Variants in HEXA observed in about 807,000 individuals in gnomAD.
The protein encoded by HEXA is hexosaminidase subunit alpha.
A neutral mutation model predicts 73.3 loss-of-function variants in HEXA; 54 were observed. That is an observed-to-expected ratio of 0.74 (90% CI 0.59 to 0.92). The LOEUF is 0.92. Ranked by LOEUF, HEXA falls within the 40% of genes least tolerant of loss-of-function variation. HEXA has a pLI of 0.00. For synonymous variants in HEXA, 230 were observed against 246.9 expected (o/e 0.93, Z 0.64); for missense variants, 649 against 653.0 (o/e 0.99, Z 0.07).
chr15:72,350,320 A>G (rs908844325), intron 7 of HEXA, 198 bp downstream of exon 7: 15 of 662,174 alleles, frequency 2.3e-5, no homozygotes, highest in African/African-American at 3.6e-5. Context: ...GTCTAACAGT[A>G]CATATTTTAA....
chr15:72,351,243 TA>T lies in HEXA; in HGVS notation c.571-10del. 1 of 1,559,956 alleles carries T rather than the reference TA, an allele frequency of 6.4e-7. No individual in the cohort carries two copies. Among genetic ancestry groups the T allele is most frequent in the Non-Finnish European group, 8.8e-7 (1 of 1,130,592 alleles). ...TTGTACGCCATGACATCCTGTAGGT[TA>T]AAGTGCACACTGTGAACCCATCACA... On this transcript the variant is annotated splice_polypyrimidine_tract_variant and intron_variant, in intron 5 of 13. Coordinates refer to ENST00000268097, the MANE Select transcript of HEXA (RefSeq NM_000520.6).
Position 72,349,166 on chromosome 15 carries a change from A to T in HEXA, c.899T>A (p.Phe300Tyr). ...VNPSLNNTYE[F>Y]MSTFFLEVSS... The stretch of plus-strand genomic sequence containing the variant: ...GACTTCTAAGAAGAATGTGCTCATG[A>T]ACTCATAGGTATTATTGAGACTGGG... Residue 300 changes from phenylalanine (F) to tyrosine (Y), a missense_variant, in exon 8 of 14, where the codon TTC becomes TAC. Coordinates refer to ENST00000268097, the MANE Select transcript of HEXA (RefSeq NM_000520.6). 6.2e-7 allele frequency: 1 copy of T among 1,613,770 alleles called. No individual in the cohort carries two copies. Among genetic ancestry groups the T allele is most frequent in the East Asian group, 2.2e-5 (1 of 44,884 alleles).
chr15:72,344,112 C>A lies in HEXA; in HGVS notation c.1555G>T (p.Val519Leu). The change falls in exon 14 of 14, where the codon GTA becomes TTA. Residue 519 changes from valine (V) to leucine (L), a missense_variant. By Grantham distance (32) the Val-to-Leu change is conservative. Coordinates refer to ENST00000268097, the MANE Select transcript of HEXA (RefSeq NM_000520.6). ...RRGVQAQPLN[V>L]GFCEQEFEQT ...TCAAACTCCTGCTCACAGAAGCCTA[C>A]ATTGAGGGGTTGGGCCTGGACACCT... 1 of 1,613,932 alleles carries A rather than the reference C, an allele frequency of 6.2e-7. No individual in the cohort carries two copies. The highest frequency in any genetic ancestry group is 8.5e-7 in the Non-Finnish European group (1 of 1,179,880).
chr15:72,346,200 G>C (rs1297926869), intron 12 of HEXA, 35 bp downstream of exon 12: 2 of 1,517,072 alleles, frequency 1.3e-6, no homozygotes, highest in African/African-American at 2.7e-5. Context: ...CTGCTCTCAG[G>C]CCCAACCCTC....
chr15:72,346,597 C>T lies in HEXA; in HGVS notation c.1260G>A (p.Trp420Ter). Reference sequence around the variant, plus strand: ...GGCCATAGGATATACGGTTCAGGTACCAGGGGGCAGAGAGAAGGGCCCGGA... The same window carrying T: ...GGCCATAGGATATACGGTTCAGGTATCAGGGGGCAGAGAGAAGGGCCCGGA... ...AGFRALLSAP[W>*]YLNRISYGPD... The change falls in exon 11 of 14, where the codon TGG becomes TGA. Residue 420 changes from tryptophan to a stop codon, truncating the protein, a stop_gained. Coordinates refer to ENST00000268097, the MANE Select transcript of HEXA (RefSeq NM_000520.6). LOFTEE classifies it high-confidence loss of function. The T allele has an allele frequency of 6.2e-7, 1 of 1,614,056 alleles. No homozygotes were observed. Among genetic ancestry groups the T allele is most frequent in the South Asian group, 1.1e-5 (1 of 91,072 alleles).
At position 72,373,192 on chromosome 15, in the gene HEXA, T is replaced by C. The variant is rs540186640; in HGVS notation, c.253+2528A>G. Among the ~76,000 whole-genome samples the C allele has an allele frequency of 2.6e-5, 4 of 152,268 alleles. No individual in the cohort carries two copies. In the East Asian group the frequency reaches 7.7e-4, roughly 29 times the overall value. Reference sequence around the variant, plus strand: ...GGCCCAGAGCCTACAAATAAGTTGTTTGGAGGAAGAGGATGGAAATCTGTT... The same window carrying C: ...GGCCCAGAGCCTACAAATAAGTTGTCTGGAGGAAGAGGATGGAAATCTGTT... On this transcript the variant is annotated intron_variant, in intron 1 of 13. Transcript: ENST00000268097.
intron 4 of HEXA, 109 bp downstream of exon 4, chr15:72,353,582 T>C (rs1056103693): frequency 1.2e-6 from 1 of 838,564 alleles, no homozygotes; most frequent in African/African-American, 1.7e-5. Flanking sequence ...ACTGGGGCTA[T>C]CTCAAGCCAC....
intron 8 of HEXA, among the ~76,000 whole-genome samples, chr15:72,348,852 T>C (rs540496754): frequency 2.4e-4 from 36 of 152,284 alleles, no homozygotes; most frequent in African/African-American, 8.4e-4. Context: ...TTTCTATCAA[T>C]ACCTCAAGGA....
Position 72,345,541 on chromosome 15 carries a change from T to C in HEXA, c.1431A>G (p.Ala477=), listed in dbSNP as rs2140319674. 6.2e-7 allele frequency: 1 copy of C among 1,614,248 alleles called. No homozygotes were observed. Residue 477 remains alanine, a synonymous_variant, in exon 13 of 14, where the codon GCA becomes GCG. Transcript: ENST00000268097. ...TCCACAGCCTTTCGGCAACAGCCCC[T>C]GCTCTGGGCCTGGAGGAAAAGGGGC... ...TNLVPRLWPR[A]GAVAERLWSN...
chr15:72,370,907 T>A (rs79170310), intron 1 of HEXA, among the ~76,000 whole-genome samples: 1,708 of 152,248 alleles, frequency 0.011, 35 homozygotes, highest in African/African-American at 0.04. Context: ...TATCCCTCGT[T>A]CTCCAGAAAC....
chr15:72,360,588 A>G (rs967835834), intron 1 of HEXA: 3 of 152,046 alleles, frequency 2.0e-5, no homozygotes, highest in Non-Finnish European at 2.9e-5. Context: ...CCTTCAAATT[A>G]TTTCTTTCAA....
At chr15:72,370,511 T>C (rs1439787112) in intron 1 of HEXA, 1 of 395,870 alleles carries the variant, frequency 2.5e-6, no homozygotes, top group East Asian at 3.6e-5. Flanking sequence ...GGCAACACAG[T>C]AAGACCCCCA....
chr15:72,347,326 G>A (rs1341227418), intron 10 of HEXA, among the ~76,000 whole-genome samples: 3 of 150,946 alleles, frequency 2.0e-5, no homozygotes, highest in Non-Finnish European at 4.4e-5. Flanking sequence ...AGGGTTGAGT[G>A]CAGAGGCACA....
At chr15:72,372,954 G>A (rs960022375) in intron 1 of HEXA, among the ~76,000 whole-genome samples, 5 of 152,116 alleles carry the variant, frequency 3.3e-5, no homozygotes, top group African/African-American at 9.7e-5. Flanking sequence ...GCAACATGGC[G>A]AAACCCCATC....
chr15:72,345,675 A>AC (rs1315710782), intron 12 of HEXA, 125 bp from the exon 13 acceptor site: 2 of 1,503,802 alleles, frequency 1.3e-6, no homozygotes, highest in African/African-American at 2.8e-5. Context: ...AGTGATCAAT[A>AC]CCTTGTTATG....
intron 10 of HEXA, among the ~76,000 whole-genome samples, chr15:72,346,957 T>C (rs2088623267): frequency 6.6e-6 from 1 of 151,904 alleles, no homozygotes; most frequent in African/African-American, 2.4e-5. Flanking sequence ...CACACAGAGC[T>C]AGTAATACCA....
At chr15:72,344,602 G>A (rs1413747276) in intron 13 of HEXA, among the ~76,000 whole-genome samples, 1 of 152,134 alleles carries the variant, frequency 6.6e-6, no homozygotes, top group Non-Finnish European at 1.5e-5. Context: ...CTGTCCTTGG[G>A]TCTCAGTCTA....
At chr15:72,348,191 T>C in intron 8 of HEXA, 57 bp from the exon 9 acceptor site, 1 of 1,185,236 alleles carries the variant, frequency 8.4e-7, no homozygotes, top group Non-Finnish European at 1.3e-6. Flanking sequence ...GCCTAATGCC[T>C]GGGGATTAGT....
At position 72,350,662 on chromosome 15, in the gene HEXA, A is replaced by C. The variant is rs2088682933; in HGVS notation, c.673-12T>G. The C allele has an allele frequency of 1.2e-6, 2 of 1,614,068 alleles. No homozygotes were observed. Among genetic ancestry groups the C allele is most frequent in the East Asian group, 4.5e-5 (2 of 44,880 alleles). On this transcript the variant is annotated splice_polypyrimidine_tract_variant and intron_variant, in intron 6 of 13. Coordinates refer to ENST00000268097, the MANE Select transcript of HEXA (RefSeq NM_000520.6). ...GGGTTGTAGGACCCCTGAAAGGCACAAGACACCCTTCAGGTTCACACTTCC... is the reference window on the plus strand; with the variant it reads ...GGGTTGTAGGACCCCTGAAAGGCACCAGACACCCTTCAGGTTCACACTTCC...
Sources: gnomAD v4.1 joint callset for allele counts (sites outside exome capture counted in the v4.1 genomes callset) on GRCh38, gnomAD v4.1.1 for gene constraint, MANE v1.5 for transcripts, NCBI Gene and HGNC (gene_info 2026-07-23, HGNC 2026-07-21) for gene names.